Variants in FARS2 observed in about 807,000 individuals in gnomAD.
The protein encoded by FARS2 is phenylalanine--tRNA ligase, mitochondrial.
A neutral mutation model predicts 46.4 loss-of-function variants in FARS2; 40 were observed. The ratio of observed to expected loss-of-function variants is 0.86; its 90% confidence interval spans 0.67 to 1.12. FARS2 has a LOEUF of 1.12. Ranked by LOEUF, FARS2 falls within the 50% of genes most tolerant of loss-of-function variation. FARS2 has a pLI of 0.00. For missense variants in FARS2, 513 were observed against 567.9 expected, an observed-to-expected ratio of 0.90 and a Z score of 0.98; for synonymous variants, 234 against 214.9, an observed-to-expected ratio of 1.09 and a Z score of -0.78.
chr6:5,615,020 G>A (rs1775397742), intron 6 of FARS2, among the ~76,000 whole-genome samples: 1 of 152,046 alleles, frequency 6.6e-6, no homozygotes, highest in Admixed American at 6.6e-5. Flanking sequence ...TGATCTTTTT[G>A]CTTTTTGTTT....
the FARS2 span, among the ~76,000 whole-genome samples, chr6:5,254,001 A>G: frequency 2.0e-5 from 3 of 152,202 alleles, no homozygotes; most frequent in African/African-American, 7.2e-5. Context: ...CACTTCCCAA[A>G]GCCAAACTTG....
intron 1 of FARS2, among the ~76,000 whole-genome samples, chr6:5,297,690 GCAA>G (rs1329729839): frequency 1.3e-5 from 2 of 151,852 alleles, no homozygotes; most frequent in Admixed American, 6.5e-5. Flanking sequence ...AACAGCAACA[GCAA>G]CAACAACAAC....
intron 6 of FARS2, among the ~76,000 whole-genome samples, chr6:5,632,765 T>G (rs1023911893): frequency 1.3e-5 from 2 of 152,158 alleles, no homozygotes; most frequent in Non-Finnish European, 2.9e-5. Context: ...ATGTGCTTTT[T>G]GGCCATTTAT....
chr6:5,271,964 A>T (rs1379166082), intron 1 of FARS2, among the ~76,000 whole-genome samples: 3 of 152,232 alleles, frequency 2.0e-5, no homozygotes, highest in Middle Eastern at 6.8e-3. Flanking sequence ...CACCACCCTT[A>T]CCCATGGTTT....
At chr6:5,614,547 C>T (rs1775367507) in intron 6 of FARS2, among the ~76,000 whole-genome samples, 1 of 152,050 alleles carries the variant, frequency 6.6e-6, no homozygotes, top group South Asian at 2.1e-4. Flanking sequence ...GTAGCTGGGA[C>T]TACAGGCGCC....
intron 5 of FARS2, among the ~76,000 whole-genome samples, chr6:5,607,656 C>T (rs1335695405): frequency 6.6e-6 from 1 of 152,118 alleles, no homozygotes; most frequent in Non-Finnish European, 1.5e-5. Flanking sequence ...ATTGCCACAA[C>T]ATCTCATTGG....
chr6:5,713,617 G>C (rs1759313742), intron 6 of FARS2, among the ~76,000 whole-genome samples: 1 of 152,246 alleles, frequency 6.6e-6, no homozygotes, highest in East Asian at 1.9e-4. Context: ...CAGGACTCCG[G>C]ATTGCTTTGC....
At chr6:5,536,133 G>A (rs1288936425) in intron 4 of FARS2, among the ~76,000 whole-genome samples, 3 of 148,338 alleles carry the variant, frequency 2.0e-5, no homozygotes. Context: ...CTCACTGCAA[G>A]CTCCACCTTC....
chr6:5,536,079 T>C lies in FARS2; in HGVS notation c.905-9101T>C, dbSNP rs1052686986. Reference sequence around the variant, plus strand: ...TTTTTTTTTTTTTTTTGAGACGGAGTCTCACTCTGTCGCCCAGGCTGGAGC... The same window carrying C: ...TTTTTTTTTTTTTTTTGAGACGGAGCCTCACTCTGTCGCCCAGGCTGGAGC... On this transcript the variant is annotated intron_variant, in intron 4 of 6. Coordinates refer to ENST00000274680, the MANE Select transcript of FARS2 (RefSeq NM_006567.5). Among the ~76,000 whole-genome samples the C allele has an allele frequency of 3.4e-4, 49 of 143,412 alleles. 1 individual carries two copies. Among genetic ancestry groups the C allele is most frequent in the African/African-American group, 1.2e-3 (43 of 36,860 alleles). The allele number at this position is 143,412 out of a possible 152,430, so 94.1% of individuals were successfully genotyped here.
intron 5 of FARS2, among the ~76,000 whole-genome samples, chr6:5,558,201 C>T (rs1434143432): frequency 6.6e-6 from 1 of 152,164 alleles, no homozygotes; most frequent in African/African-American, 2.4e-5. Flanking sequence ...AAACGCATTT[C>T]TTCACTACTT....
intron 4 of FARS2, among the ~76,000 whole-genome samples, chr6:5,468,363 AAAAAG>A (rs1226696386): frequency 1.3e-5 from 2 of 151,898 alleles, no homozygotes. Context: ...TAAAAAAAAA[AAAAAG>A]AAAGAAAAAA....
intron 2 of FARS2, among the ~76,000 whole-genome samples, chr6:5,376,972 TC>T (rs1404664065): frequency 6.6e-6 from 1 of 152,220 alleles, no homozygotes; most frequent in African/African-American, 2.4e-5. Context: ...ATCATATCAT[TC>T]TTTGCAAACA....
chr6:5,762,477 C>T (rs959364744), intron 6 of FARS2, among the ~76,000 whole-genome samples: 6 of 152,256 alleles, frequency 3.9e-5, no homozygotes, highest in Middle Eastern at 3.4e-3. Flanking sequence ...GGCCACATCC[C>T]GCAGGAGGTG....
intron 6 of FARS2, among the ~76,000 whole-genome samples, chr6:5,739,604 A>C (rs1007692095): frequency 2.6e-4 from 40 of 152,246 alleles, no homozygotes; most frequent in African/African-American, 9.4e-4. Context: ...AATGTCTACA[A>C]GACAGATGTA....
chr6:5,601,011 G>A (rs777949278), intron 5 of FARS2, among the ~76,000 whole-genome samples: 2 of 152,126 alleles, frequency 1.3e-5, no homozygotes, highest in African/African-American at 2.4e-5. Context: ...AGAGACAGCA[G>A]AACTTGCAGC....
chr6:5,359,122 C>A (rs1483938036), intron 1 of FARS2, among the ~76,000 whole-genome samples: 1 of 145,138 alleles, frequency 6.9e-6, no homozygotes, highest in Non-Finnish European at 1.5e-5. Flanking sequence ...TCACTGCAAC[C>A]TCCGCCTCCC....
chr6:5,672,354 C>A (rs1333620351), intron 6 of FARS2, among the ~76,000 whole-genome samples: 1 of 152,208 alleles, frequency 6.6e-6, no homozygotes, highest in African/African-American at 2.4e-5. Flanking sequence ...ACGCAGCTTA[C>A]AAGCTGCAGA....
At chr6:5,364,101 C>G (rs1319248171) in intron 1 of FARS2, among the ~76,000 whole-genome samples, 1 of 152,166 alleles carries the variant, frequency 6.6e-6, no homozygotes, top group Non-Finnish European at 1.5e-5. Context: ...CAGTGAATGA[C>G]TTTATTAGTT....
chr6:5,686,616 G>A (rs915651943), intron 6 of FARS2, among the ~76,000 whole-genome samples: 2 of 152,124 alleles, frequency 1.3e-5, no homozygotes, highest in African/African-American at 2.4e-5. Context: ...TGGACATTTG[G>A]GTTGGTTCCA....
Sources: gnomAD v4.1 joint callset for allele counts (sites outside exome capture counted in the v4.1 genomes callset) on GRCh38, gnomAD v4.1.1 for gene constraint, MANE v1.5 for transcripts, NCBI Gene and HGNC (gene_info 2026-07-23, HGNC 2026-07-21) for gene names.